The following PRMT6 variants were observed in gnomAD, a reference collection of about 807,000 sequenced individuals.
The protein encoded by PRMT6 is protein arginine N-methyltransferase 6.
In PRMT6, 23 loss-of-function variants were observed where a neutral mutation model predicts 30.5. The observed-to-expected ratio is 0.75, with a 90% CI of 0.54 to 1.07. PRMT6 has a LOEUF of 1.07. PRMT6 is among the 50% of genes least tolerant of loss of function. The pLI, the probability that PRMT6 is intolerant of heterozygous loss-of-function variation, is 0.00. For synonymous variants in PRMT6, 265 were observed against 228.0 expected (o/e 1.16, Z -1.46); for missense variants, 528 against 514.3 (o/e 1.03, Z -0.26).
Position 107,056,748 on chromosome 1 carries a change from G to A in PRMT6, c.33G>A (p.Ser11=), listed in dbSNP as rs557350900. The A allele has an allele frequency of 6.4e-5, 99 of 1,538,812 alleles. No individual in the cohort carries two copies. Among genetic ancestry groups the A allele is most frequent in the Admixed American group, 2.4e-4 (12 of 49,164 alleles). The part of the protein sequence containing the change: MSQPKKRKLE[S]GGGGEGGEGT... ...AGCCCAAGAAAAGAAAGCTTGAGTC[G>A]GGGGGCGGCGGCGAAGGAGGGGAGG... Residue 11 remains serine, a synonymous_variant, in exon 1 of 1, where the codon TCG becomes TCA. Transcript: ENST00000370078.
In PRMT6 at chr1:107,057,814, A is replaced by G. The variant is rs376694401; in HGVS notation, c.1099A>G (p.Lys367Glu). 1.4e-5 allele frequency: 23 copies of G among 1,593,684 alleles called. No homozygotes were observed. The highest frequency in any genetic ancestry group is 1.8e-5 in the Non-Finnish European group (21 of 1,169,586). ...LRYKVGDQEE[K>E]TKDFAMED ...CTACAAAGTGGGAGACCAGGAGGAG[A>G]AGACCAAAGACTTTGCCATGGAGGA... The change falls in exon 1 of 1, where the codon AAG becomes GAG. Residue 367 changes from lysine to glutamate, a missense_variant. Coordinates refer to ENST00000370078, the MANE Select transcript of PRMT6 (RefSeq NM_018137.3).
Position 107,056,963 on chromosome 1 carries a change from G to A in PRMT6, c.248G>A (p.Gly83Asp), listed in dbSNP as rs1428000020. 2 of 1,613,252 alleles carry A rather than the reference G, an allele frequency of 1.2e-6. No individual in the cohort carries two copies. Among genetic ancestry groups the A allele is most frequent in the Non-Finnish European group, 1.7e-6 (2 of 1,179,548 alleles). ...CTTCGGAACTGGGCAGCACTGCGAG[G>A]CAAGACGGTACTGGACGTGGGCGCG... The part of the protein sequence containing the change: ...GILRNWAALR[G>D]KTVLDVGAGT... The change falls in exon 1 of 1, where the codon GGC (glycine) becomes GAC (aspartate). Residue 83 changes from glycine (G) to aspartate (D), a missense_variant. Gly to Asp is a moderately conservative substitution (Grantham distance 94). Transcript: ENST00000370078.
chr1:107,058,460 C>T lies in PRMT6; in HGVS notation c.*617C>T, dbSNP rs1403588111. The T allele has an allele frequency of 1.7e-5, 3 of 173,352 alleles. No individual in the cohort carries two copies. Among genetic ancestry groups the T allele is most frequent in the Admixed American group, 5.8e-5 (1 of 17,110 alleles). 10.7% of individuals were successfully genotyped at this position (173,352 alleles called of 1,614,324 possible). A position where few individuals can be genotyped will look rare whatever the true frequency, so the allele number is the denominator to read the frequency against. On this transcript the variant is annotated 3_prime_UTR_variant, in exon 1 of 1. Coordinates refer to ENST00000370078, the MANE Select transcript of PRMT6 (RefSeq NM_018137.3). Reference sequence around the variant, plus strand: ...CTGTTCTCATTACTCTGACCACATACATCATAGGGTGCTAAAGTTGATGAA... The same window carrying T: ...CTGTTCTCATTACTCTGACCACATATATCATAGGGTGCTAAAGTTGATGAA...
rs769918211 is a variant in PRMT6 at position 107,057,471 on chromosome 1, C to A, written c.756C>A (p.Arg252=). 4 of 1,612,702 alleles carry A rather than the reference C, an allele frequency of 2.5e-6. No individual in the cohort carries two copies. The Admixed American group carries it at 6.7e-5, about 27-fold the overall frequency. ...SGEDVLARPQ[R]FAQLELSRAG... Reference sequence around the variant, plus strand: ...AGGACGTGCTGGCCCGGCCGCAGCGCTTTGCTCAGCTAGAGCTCTCCCGCG... The same window carrying A: ...AGGACGTGCTGGCCCGGCCGCAGCGATTTGCTCAGCTAGAGCTCTCCCGCG... Residue 252 remains arginine (R), a synonymous_variant, in exon 1 of 1, where the codon CGC becomes CGA. Transcript: ENST00000370078.
Position 107,056,799 on chromosome 1 carries a change from G to A in PRMT6, c.84G>A (p.Glu28=), listed in dbSNP as rs1651724310. ...GAACTGAAGAGGAAGATGGCGCGGAGCGGGAGGCGGCCCTGGAGCGACCCC... is the reference window on the plus strand; with the variant it reads ...GAACTGAAGAGGAAGATGGCGCGGAACGGGAGGCGGCCCTGGAGCGACCCC... ...GEGTEEEDGA[E]REAALERPRR... Residue 28 remains glutamate (E), a synonymous_variant, in exon 1 of 1, where the codon GAG becomes GAA. Coordinates refer to ENST00000370078, the MANE Select transcript of PRMT6 (RefSeq NM_018137.3). 1.9e-6 allele frequency: 3 copies of A among 1,577,874 alleles called. No homozygotes were observed. The highest frequency in any genetic ancestry group is 1.4e-5 in the African/African-American group (1 of 74,064).
In PRMT6 at chr1:107,057,913, A is replaced by T; in HGVS notation, c.*70A>T. 1 of 1,548,572 alleles carries T rather than the reference A, an allele frequency of 6.5e-7. No individual in the cohort carries two copies. Among genetic ancestry groups the T allele is most frequent in the Non-Finnish European group, 8.7e-7 (1 of 1,144,538 alleles). ...CGTGGGAGAGGCGTAGCGAGGTCGG[A>T]GGGGAAAGGGAGATCCCACGTGCAA... is the stretch of plus-strand genomic sequence containing the variant. On this transcript the variant is annotated 3_prime_UTR_variant, in exon 1 of 1. Coordinates refer to ENST00000370078, the MANE Select transcript of PRMT6 (RefSeq NM_018137.3).
chr1:107,056,823 C>A lies in PRMT6; in HGVS notation c.108C>A (p.Pro36=), dbSNP rs988396597. ...AGCGGGAGGCGGCCCTGGAGCGACC[C>A]CGGAGGACTAAGCGGGAACGGGACC... ...GAEREAALER[P]RRTKRERDQL... Residue 36 remains proline, a synonymous_variant, in exon 1 of 1, where the codon CCC becomes CCA. Transcript: ENST00000370078. 1 of 1,602,898 alleles carries A rather than the reference C, an allele frequency of 6.2e-7. No individual in the cohort carries two copies. The highest frequency in any genetic ancestry group is 2.3e-5 in the East Asian group (1 of 44,114).
chr1:107,057,063 C>G lies in PRMT6; in HGVS notation c.348C>G (p.Ile116Met), dbSNP rs1301569623. The change falls in exon 1 of 1, where the codon ATC becomes ATG. Residue 116 changes from isoleucine to methionine, a missense_variant. Ile to Met is a conservative substitution (Grantham distance 10). Transcript: ENST00000370078. ...TGTACGCGGTAGAGGCCAGCGCCAT[C>G]TGGCAACAGGCCCGGGAGGTGGTGC... ...RRVYAVEASA[I>M]WQQAREVVRF... 2 of 1,611,272 alleles carry G rather than the reference C, an allele frequency of 1.2e-6. No individual in the cohort carries two copies. The highest frequency in any genetic ancestry group is 2.7e-5 in the African/African-American group (2 of 75,072).
Position 107,056,902 on chromosome 1 carries a change from G to A in PRMT6, c.187G>A (p.Asp63Asn), listed in dbSNP as rs779689168. ...TTCGGTCCACGAGGAGATGATCGCG[G>A]ACCGCGTCCGCACCGATGCCTACCG... Reference protein sequence around the residue: ...DVSVHEEMIADRVRTDAYRLG... With the variant: ...DVSVHEEMIANRVRTDAYRLG... The change falls in exon 1 of 1, where the codon GAC becomes AAC. Residue 63 changes from aspartate to asparagine, a missense_variant. Asp to Asn is a conservative substitution (Grantham distance 23, BLOSUM62 1). Transcript: ENST00000370078. The A allele has an allele frequency of 1.2e-6, 2 of 1,612,894 alleles. No individual in the cohort carries two copies. The highest frequency in any genetic ancestry group is 1.7e-6 in the Non-Finnish European group (2 of 1,179,356).
In PRMT6 at chr1:107,057,891, G is replaced by C. The variant is rs758688028; in HGVS notation, c.*48G>C. ...CCTCCCAAAGCAGCCTGACCTGCGTGGGAGAGGCGTAGCGAGGTCGGAGGG... is the reference window on the plus strand; with the variant it reads ...CCTCCCAAAGCAGCCTGACCTGCGTCGGAGAGGCGTAGCGAGGTCGGAGGG... On this transcript the variant is annotated 3_prime_UTR_variant, in exon 1 of 1. Transcript: ENST00000370078. 22 of 1,552,358 alleles carry C rather than the reference G, an allele frequency of 1.4e-5. No homozygotes were observed. In the Middle Eastern group the frequency reaches 5.0e-4, roughly 35 times the overall value.
chr1:107,057,008 T>A lies in PRMT6; in HGVS notation c.293T>A (p.Ile98Asn). 1 of 1,613,696 alleles carries A rather than the reference T, an allele frequency of 6.2e-7. No homozygotes were observed. Among genetic ancestry groups the A allele is most frequent in the Non-Finnish European group, 8.5e-7 (1 of 1,179,856 alleles). The change falls in exon 1 of 1, where the codon ATC (isoleucine) becomes AAC (asparagine). Residue 98 changes from isoleucine (I) to asparagine (N), a missense_variant. Physicochemically the swap from Ile to Asn is moderately radical, Grantham distance 149. Transcript: ENST00000370078. Reference protein sequence around the residue: ...DVGAGTGILSIFCAQAGARRV... With the variant: ...DVGAGTGILSNFCAQAGARRV... ...GGCGCGGGCACCGGCATTCTGAGCA[T>A]CTTCTGTGCCCAGGCCGGGGCCCGG... is the stretch of plus-strand genomic sequence containing the variant.
rs2100939313 is a variant in PRMT6, at chr1:107,057,194, G to A, written c.479G>A (p.Gly160Glu). Residue 160 changes from glycine to glutamate, a missense_variant, in exon 1 of 1, where the codon GGA becomes GAA. Physicochemically the swap from Gly to Glu is moderately conservative, Grantham distance 98 (BLOSUM62 -2). Coordinates refer to ENST00000370078, the MANE Select transcript of PRMT6 (RefSeq NM_018137.3). ...DAIVSEWMGY[G>E]LLHESMLSSV... ...ATCGTGAGCGAGTGGATGGGCTACG[G>A]ACTCCTGCACGAGTCCATGCTGAGC... 6.2e-7 allele frequency: 1 copy of A among 1,612,426 alleles called. No individual in the cohort carries two copies. Among genetic ancestry groups the A allele is most frequent in the South Asian group, 1.1e-5 (1 of 91,090 alleles).
rs775097804 is a variant in PRMT6 at position 107,057,724 on chromosome 1, G to C, written c.1009G>C (p.Val337Leu). The C allele has an allele frequency of 2.4e-5, 39 of 1,614,118 alleles. No individual in the cohort carries two copies. The highest frequency in any genetic ancestry group is 2.2e-5 in the South Asian group (2 of 91,082). The part of the protein sequence containing the change: ...EPVQVEQDTD[V>L]SGEITLLPSR... ...GGTGCAAGTGGAGCAAGACACGGAC[G>C]TTTCAGGAGAGATCACGCTGCTGCC... Residue 337 changes from valine to leucine, a missense_variant, in exon 1 of 1, where the codon GTT (valine) becomes CTT (leucine). Transcript: ENST00000370078.
chr1:107,056,781 A>C lies in PRMT6; in HGVS notation c.66A>C (p.Glu22Asp), dbSNP rs745605519. The C allele has an allele frequency of 1.2e-5, 19 of 1,563,826 alleles. No individual in the cohort carries two copies. The highest frequency in any genetic ancestry group is 1.6e-5 in the Non-Finnish European group (18 of 1,154,158). The change falls in exon 1 of 1, where the codon GAA becomes GAC. Residue 22 changes from glutamate (E) to aspartate (D), a missense_variant. Coordinates refer to ENST00000370078, the MANE Select transcript of PRMT6 (RefSeq NM_018137.3). ...GGGGEGGEGT[E>D]EEDGAEREAA... is the part of the protein sequence containing the mutation. ...GCGGCGAAGGAGGGGAGGGAACTGA[A>C]GAGGAAGATGGCGCGGAGCGGGAGG...
In PRMT6 at chr1:107,057,771, C is replaced by T; in HGVS notation, c.1056C>T (p.Arg352=). The T allele has an allele frequency of 6.2e-7, 1 of 1,613,108 alleles. No individual in the cohort carries two copies. Among genetic ancestry groups the T allele is most frequent in the Non-Finnish European group, 8.5e-7 (1 of 1,179,482 alleles). ...TGCCCTCCCGGGACAACCCCCGTCGCCTGCGCGTGCTGCTGCGCTACAAAG... is the reference window on the plus strand; with the variant it reads ...TGCCCTCCCGGGACAACCCCCGTCGTCTGCGCGTGCTGCTGCGCTACAAAG... The part of the protein sequence containing the change: ...TLLPSRDNPR[R]LRVLLRYKVG... The change falls in exon 1 of 1, where the codon CGC becomes CGT. Residue 352 remains arginine (R), a synonymous_variant. Transcript: ENST00000370078.
rs768588071 is a variant in PRMT6, at chr1:107,057,552, C to T, written c.837C>T (p.Cys279=). 9.3e-6 allele frequency: 15 copies of T among 1,613,622 alleles called. No individual in the cohort carries two copies. The highest frequency in any genetic ancestry group is 4.0e-5 in the African/African-American group (3 of 74,950). The change falls in exon 1 of 1, where the codon TGC becomes TGT. Residue 279 remains cysteine, a synonymous_variant. Coordinates refer to ENST00000370078, the MANE Select transcript of PRMT6 (RefSeq NM_018137.3). The stretch of plus-strand genomic sequence containing the variant: ...TGGGCGGGCGCTTCCGCTGCAGCTG[C>T]TATGGCTCGGCGCCCATGCATGGCT... ...AGVGGRFRCS[C]YGSAPMHGFA...
Position 107,057,029 on chromosome 1 carries a change from C to T in PRMT6, c.314C>T (p.Ala105Val). The T allele has an allele frequency of 6.2e-7, 1 of 1,613,276 alleles. No individual in the cohort carries two copies. Among genetic ancestry groups the T allele is most frequent in the South Asian group, 1.1e-5 (1 of 91,004 alleles). ...AGCATCTTCTGTGCCCAGGCCGGGG[C>T]CCGGCGCGTGTACGCGGTAGAGGCC... ...ILSIFCAQAG[A>V]RRVYAVEASA... Residue 105 changes from alanine (A) to valine (V), a missense_variant, in exon 1 of 1, where the codon GCC becomes GTC. Physicochemically the swap from Ala to Val is moderately conservative, Grantham distance 64. Coordinates refer to ENST00000370078, the MANE Select transcript of PRMT6 (RefSeq NM_018137.3).
At position 107,058,799 on chromosome 1, in the gene PRMT6, ACTCT is replaced by A. The variant is rs774474230; in HGVS notation, c.*960_*963del. Reference sequence around the variant, plus strand: ...GAAAAGTATACTCATTCTCATTTAAACTCTCTCATTTGGAGGGATCATGTGAGTT... The same window carrying A: ...GAAAAGTATACTCATTCTCATTTAAACTCATTTGGAGGGATCATGTGAGTT... On this transcript the variant is annotated 3_prime_UTR_variant, in exon 1 of 1. Transcript: ENST00000370078. 4.8e-5 allele frequency: 8 copies of A among 166,968 alleles called. No individual in the cohort carries two copies. Among genetic ancestry groups the A allele is most frequent in the Non-Finnish European group, 7.3e-5 (5 of 68,082 alleles). 10.3% of individuals were successfully genotyped at this position (166,968 alleles called of 1,614,324 possible). A position where few individuals can be genotyped will look rare whatever the true frequency, so the allele number is the denominator to read the frequency against.
Position 107,057,453 on chromosome 1 carries a change from G to A in PRMT6, c.738G>A (p.Val246=), listed in dbSNP as rs374565859. ...IVVQGLSGED[V]LARPQRFAQL... ...TGCAGGGATTGTCCGGCGAGGACGTGCTGGCCCGGCCGCAGCGCTTTGCTC... is the reference window on the plus strand; with the variant it reads ...TGCAGGGATTGTCCGGCGAGGACGTACTGGCCCGGCCGCAGCGCTTTGCTC... The change falls in exon 1 of 1, where the codon GTG becomes GTA. Residue 246 remains valine (V), a synonymous_variant. Transcript: ENST00000370078. 3 of 1,612,894 alleles carry A rather than the reference G, an allele frequency of 1.9e-6. No individual in the cohort carries two copies. Among genetic ancestry groups the A allele is most frequent in the Non-Finnish European group, 2.5e-6 (3 of 1,179,560 alleles).
Sources: allele counts gnomAD v4.1 joint callset, GRCh38; gene constraint gnomAD v4.1.1; transcripts MANE v1.5; gene names NCBI Gene and HGNC (gene_info 2026-07-23, HGNC 2026-07-21).